MYRIP: variants seen among roughly 807,000 people sequenced by gnomAD.
MYRIP encodes the protein myosin VIIA and Rab interacting protein, also known as rab effector MyRIP.
MYRIP carries 49 observed loss-of-function variants against 98.0 expected under a neutral mutation model. That is an observed-to-expected ratio of 0.50 (90% confidence interval 0.40 to 0.63). The LOEUF (loss-of-function observed/expected upper bound fraction) is 0.63. Ranked by LOEUF, MYRIP falls within the 30% of genes least tolerant of loss-of-function variation. The pLI, the probability that MYRIP is intolerant of heterozygous loss-of-function variation, is 0.00. For synonymous variants in MYRIP, 404 were observed against 409.5 expected (o/e 0.99, Z 0.16); for missense variants, 1,004 against 1,058.2 (o/e 0.95, Z 0.71).
intron 2 of MYRIP, among the ~76,000 whole-genome samples, chr3:39,958,341 A>G (rs984444054): frequency 3.3e-5 from 5 of 152,300 alleles, no homozygotes; most frequent in East Asian, 1.9e-4. Flanking sequence ...ATATAGACTG[A>G]TGGAACAGAA....
intron 4 of MYRIP, among the ~76,000 whole-genome samples, chr3:40,159,891 T>A (rs1950343153): frequency 1.3e-5 from 2 of 152,224 alleles, no homozygotes; most frequent in African/African-American, 4.8e-5. Context: ...TAGTTATACA[T>A]TCTTCTAAAT....
intron 11 of MYRIP, among the ~76,000 whole-genome samples, chr3:40,227,107 C>G (rs1246268542): frequency 2.0e-5 from 3 of 152,178 alleles, no homozygotes; most frequent in Non-Finnish European, 4.4e-5. Flanking sequence ...CTGCTTCCCC[C>G]TCTGCTCTCT....
At chr3:40,067,498 A>G (rs745322215) in intron 3 of MYRIP, among the ~76,000 whole-genome samples, 9 of 152,234 alleles carry the variant, frequency 5.9e-5, no homozygotes, top group Non-Finnish European at 7.3e-5. Flanking sequence ...TCGCAGGCCA[A>G]GAAGATCTGT....
chr3:39,852,744 T>C (rs1287370908), intron 1 of MYRIP, among the ~76,000 whole-genome samples: 1 of 135,980 alleles, frequency 7.4e-6, no homozygotes, highest in Non-Finnish European at 1.6e-5. Context: ...GTTCTCCTCT[T>C]CTCTTCTCTT....
At chr3:39,817,750 G>C (rs1940968988) in intron 1 of MYRIP, among the ~76,000 whole-genome samples, 1 of 152,210 alleles carries the variant, frequency 6.6e-6, no homozygotes, top group Non-Finnish European at 1.5e-5. Context: ...CGCATGTATT[G>C]TATAGTGTGG....
intron 11 of MYRIP, among the ~76,000 whole-genome samples, chr3:40,219,733 G>A (rs1376211975): frequency 4.6e-5 from 7 of 151,942 alleles, no homozygotes; most frequent in South Asian, 2.1e-4. Flanking sequence ...CCAGTCTATC[G>A]TTTTTGGACA....
At chr3:40,044,327 G>T in intron 3 of MYRIP, 56 bp downstream of exon 3, 2 of 1,531,356 alleles carry the variant, frequency 1.3e-6, no homozygotes, top group African/African-American at 1.4e-5. Context: ...AGATTCACCT[G>T]CCACTTCCTT....
intron 11 of MYRIP, among the ~76,000 whole-genome samples, chr3:40,232,699 A>G (rs989471415): frequency 6.6e-6 from 1 of 152,220 alleles, no homozygotes; most frequent in Non-Finnish European, 1.5e-5. Context: ...ATGATGCTAT[A>G]TGTTCAGATG....
intron 2 of MYRIP, among the ~76,000 whole-genome samples, chr3:40,017,384 A>G (rs1385205936): frequency 2.0e-5 from 3 of 152,206 alleles, no homozygotes; most frequent in African/African-American, 7.2e-5. Flanking sequence ...ATCAGGTTCA[A>G]TCCCTTTACT....
chr3:40,114,205 T>G (rs1193982726), intron 3 of MYRIP, among the ~76,000 whole-genome samples: 3 of 152,242 alleles, frequency 2.0e-5, no homozygotes, highest in Non-Finnish European at 2.9e-5. Context: ...ATTTCTACTG[T>G]ACCTTTTCTA....
chr3:40,212,104 GTA>G lies in MYRIP; in HGVS notation c.1905+2022_1905+2023del, dbSNP rs1315997750. On this transcript the variant is annotated intron_variant, in intron 11 of 16. Coordinates refer to ENST00000302541, the MANE Select transcript of MYRIP (RefSeq NM_015460.4). Reference sequence around the variant, plus strand: ...TAGCCATATATATATATGTGTGTGTGTATATATATATACATATATATACGTGT... The same window carrying G: ...TAGCCATATATATATATGTGTGTGTGTATATATATACATATATATACGTGT... 9.9e-5 allele frequency among the ~76,000 whole-genome samples: 13 copies of G among 131,612 alleles called. 1 individual carries two copies. In the East Asian group the frequency reaches 1.1e-3, roughly 11 times the overall value. The allele number at this position is 131,612 out of a possible 152,430, so 86.3% of individuals were successfully genotyped here.
chr3:40,118,543 T>C (rs1949328987), intron 3 of MYRIP, among the ~76,000 whole-genome samples: 2 of 151,880 alleles, frequency 1.3e-5, no homozygotes, highest in South Asian at 4.2e-4. Context: ...AACTTTTTTT[T>C]TTCCCTGGGT....
At position 39,945,283 on chromosome 3, in the gene MYRIP, A is replaced by T. The variant is rs183238202; in HGVS notation, c.110+44357A>T. On this transcript the variant is annotated intron_variant, in intron 2 of 16. Transcript: ENST00000302541. The stretch of plus-strand genomic sequence containing the variant: ...CCAGGAGTTCAAGACTAGCCTGGCC[A>T]ACATGGTGAAATACCATCTCTACTA... Among the ~76,000 whole-genome samples, 25 of 142,116 alleles carry T rather than the reference A, an allele frequency of 1.8e-4. No homozygotes were observed. The East Asian group carries it at 3.5e-3, about 20-fold the overall frequency. The allele number at this position is 142,116 out of a possible 152,430, so 93.2% of individuals were successfully genotyped here.
At chr3:39,945,615 C>T (rs1215606098) in intron 2 of MYRIP, among the ~76,000 whole-genome samples, 1 of 151,938 alleles carries the variant, frequency 6.6e-6, no homozygotes, top group Non-Finnish European at 1.5e-5. Flanking sequence ...AAGTGCCTTC[C>T]AGTCTGTAAC....
rs768471944 is a variant in MYRIP, at chr3:39,900,934, GC to G, written c.110+10del. The G allele has an allele frequency of 6.2e-7, 1 of 1,604,810 alleles. No homozygotes were observed. On this transcript the variant is annotated intron_variant, in intron 2 of 16. Coordinates refer to ENST00000302541, the MANE Select transcript of MYRIP (RefSeq NM_015460.4). ...AGAAGAAGAACGACTAAGGTGAGAT[GC>G]CTGTTTTGCTCAGCAGCGTACAGCA...
At chr3:40,000,664 GTGAGTCTTAATTTTA>G (rs567802887) in intron 2 of MYRIP, among the ~76,000 whole-genome samples, 4 of 152,006 alleles carry the variant, frequency 2.6e-5, no homozygotes, top group Non-Finnish European at 4.4e-5. Flanking sequence ...TTAATTTTTT[GTGAGTCTTAATTTTA>G]TGAGATGAAA....
intron 2 of MYRIP, among the ~76,000 whole-genome samples, chr3:39,995,082 T>TG (rs35011282): frequency 0.1 from 15,337 of 151,758 alleles, 1,351 homozygotes; most frequent in African/African-American, 0.23. Flanking sequence ...ACCACAAAGA[T>TG]GGGGGAAAAA....
intron 2 of MYRIP, among the ~76,000 whole-genome samples, chr3:39,951,320 G>A (rs1945008742): frequency 6.6e-6 from 1 of 152,054 alleles, no homozygotes; most frequent in Non-Finnish European, 1.5e-5. Context: ...TCCCAAGATT[G>A]TCATGTAGTT....
chr3:39,895,919 G>A (rs991965258), intron 1 of MYRIP, among the ~76,000 whole-genome samples: 1 of 28,724 alleles, frequency 3.5e-5, no homozygotes, highest in Admixed American at 2.6e-4. Flanking sequence ...TGTGTGTGGT[G>A]TGTGTGTGTG....
Sources: gnomAD v4.1 joint callset for allele counts (sites outside exome capture counted in the v4.1 genomes callset) on GRCh38, gnomAD v4.1.1 for gene constraint, MANE v1.5 for transcripts, NCBI Gene and HGNC (gene_info 2026-07-23, HGNC 2026-07-21) for gene names.